SND1: variants seen among roughly 807,000 people sequenced by gnomAD.
The protein encoded by SND1 is staphylococcal nuclease and tudor domain containing 1, also known as staphylococcal nuclease domain-containing protein 1.
A neutral mutation model predicts 121.7 loss-of-function variants in SND1; 38 were observed. The observed-to-expected ratio is 0.31, with a 90% confidence interval of 0.24 to 0.41. The LOEUF is 0.41. SND1 is among the 10% of genes least tolerant of loss of function. The pLI is 1.00. For missense variants in SND1, 868 were observed against 1,184.6 expected (o/e 0.73, Z 3.92); for synonymous variants, 401 against 447.4 (o/e 0.90, Z 1.31).
intron 12 of SND1, among the ~76,000 whole-genome samples, chr7:127,874,673 C>G (rs1799658560): frequency 6.6e-6 from 1 of 152,064 alleles, no homozygotes; most frequent in Non-Finnish European, 1.5e-5. Context: ...ATAAACATTT[C>G]TACTTTACGT....
intron 10 of SND1, among the ~76,000 whole-genome samples, chr7:127,748,106 TG>T (rs1401633716): frequency 4.6e-5 from 7 of 152,222 alleles, no homozygotes; most frequent in Non-Finnish European, 1.0e-4. Flanking sequence ...AACACAAACT[TG>T]CATGAAAATA....
At position 128,052,154 on chromosome 7, in the gene SND1, G is replaced by C. The variant is rs986912369; in HGVS notation, c.1780-22348G>C. 6.6e-6 allele frequency among the ~76,000 whole-genome samples: 1 copy of C among 152,190 alleles called. No individual in the cohort carries two copies. The highest frequency in any genetic ancestry group is 2.4e-5 in the African/African-American group (1 of 41,432). On this transcript the variant is annotated intron_variant, in intron 16 of 23. Coordinates refer to ENST00000354725, the MANE Select transcript of SND1 (RefSeq NM_014390.4). The surrounding 1 kb of genome is among the most constrained non-coding windows in gnomAD (Gnocchi z 4.6). ...CCTTCAGTTCAGTTGGAGTGCTCTG[G>C]AACTCACTAGGGCTTTCTGAGGGCA... is the stretch of plus-strand genomic sequence containing the variant.
At chr7:127,950,382 A>G (rs1801434657) in intron 15 of SND1, among the ~76,000 whole-genome samples, 1 of 152,188 alleles carries the variant, frequency 6.6e-6, no homozygotes, top group Non-Finnish European at 1.5e-5. Context: ...AGAAGTGGAG[A>G]AAAAATAGTG....
At chr7:128,001,462 C>G (rs1005880769) in intron 16 of SND1, among the ~76,000 whole-genome samples, 1 of 152,200 alleles carries the variant, frequency 6.6e-6, no homozygotes, top group African/African-American at 2.4e-5. Flanking sequence ...GAACGCTATC[C>G]CTAGCATTGT....
At chr7:127,903,857 C>G (rs1366831505) in intron 13 of SND1, among the ~76,000 whole-genome samples, 1 of 152,104 alleles carries the variant, frequency 6.6e-6, no homozygotes, top group African/African-American at 2.4e-5. Context: ...ATTCAAAAAC[C>G]CTAAAAAGTT....
At chr7:127,720,713 T>C (rs981983377) in intron 9 of SND1, among the ~76,000 whole-genome samples, 50 of 152,354 alleles carry the variant, frequency 3.3e-4, no homozygotes, top group African/African-American at 1.1e-3. Flanking sequence ...TCAGAGTATC[T>C]GAGGTAATAT....
At chr7:127,911,193 T>A (rs1269136696) in intron 14 of SND1, among the ~76,000 whole-genome samples, 6 of 152,196 alleles carry the variant, frequency 3.9e-5, no homozygotes, top group Non-Finnish European at 7.3e-5. Context: ...TGAACTCTAG[T>A]TGGACTACAA....
At chr7:127,808,606 T>C (rs1798282466) in intron 11 of SND1, among the ~76,000 whole-genome samples, 2 of 152,204 alleles carry the variant, frequency 1.3e-5, no homozygotes. Flanking sequence ...GGACATAAGG[T>C]AAAATTGCTA....
chr7:128,058,836 CTCCCCTCCTTCCT>C (rs1793184668), intron 16 of SND1, among the ~76,000 whole-genome samples: 1 of 151,996 alleles, frequency 6.6e-6, no homozygotes, highest in Non-Finnish European at 1.5e-5. Flanking sequence ...CCCTCCTTCC[CTCCCCTCCTTCCT>C]TAAAACCAGC....
intron 16 of SND1, among the ~76,000 whole-genome samples, chr7:128,049,373 T>G (rs1793007098): frequency 6.6e-6 from 1 of 152,134 alleles, no homozygotes; most frequent in African/African-American, 2.4e-5. Flanking sequence ...TCTCCTCTCT[T>G]AACTGCTCTT....
chr7:127,672,401 G>A (rs2116266978), intron 1 of SND1, among the ~76,000 whole-genome samples: 1 of 152,162 alleles, frequency 6.6e-6, no homozygotes, highest in South Asian at 2.1e-4. Flanking sequence ...CTTGAGGTCA[G>A]GAGTTCGAGA....
At chr7:127,652,564 C>G (rs1291094457) in intron 1 of SND1, 113 bp downstream of exon 1, 4 of 879,544 alleles carry the variant, frequency 4.5e-6, no homozygotes, top group Non-Finnish European at 5.2e-6. Flanking sequence ...TCCTCTGCCC[C>G]CTTCCTCACT....
chr7:127,925,431 A>T (rs891347423), intron 14 of SND1, among the ~76,000 whole-genome samples: 13 of 152,154 alleles, frequency 8.5e-5, no homozygotes, highest in African/African-American at 3.1e-4. Flanking sequence ...CCCAGACCTT[A>T]TGTAAGGAAG....
chr7:127,970,174 T>G (rs1319176078), intron 15 of SND1, among the ~76,000 whole-genome samples: 1 of 152,244 alleles, frequency 6.6e-6, no homozygotes. Flanking sequence ...TATCAGATTA[T>G]CTGTTCACTT....
chr7:128,077,600 C>T (rs1310723264), intron 17 of SND1, among the ~76,000 whole-genome samples: 10 of 152,380 alleles, frequency 6.6e-5, no homozygotes, highest in Admixed American at 4.6e-4. Flanking sequence ...AGGGGCAGAG[C>T]TCCACCCTGG....
At chr7:127,817,085 T>C (rs1287325310) in intron 11 of SND1, among the ~76,000 whole-genome samples, 1 of 152,248 alleles carries the variant, frequency 6.6e-6, no homozygotes, top group East Asian at 1.9e-4. Context: ...GTTGGGTACC[T>C]TTGTAGAGGT....
At chr7:128,027,443 G>C (rs1803508791) in intron 16 of SND1, 1 of 152,510 alleles carries the variant, frequency 6.6e-6, no homozygotes, top group East Asian at 1.9e-4. Flanking sequence ...TCCTGGTTGG[G>C]AAAGGCTTCA....
At chr7:127,776,388 T>C (rs1356358620) in intron 10 of SND1, among the ~76,000 whole-genome samples, 1 of 152,104 alleles carries the variant, frequency 6.6e-6, no homozygotes, top group African/African-American at 2.4e-5. Context: ...TAAGTCCAGC[T>C]GTGAAAAAAC....
chr7:127,913,504 A>G (rs1800503810), intron 14 of SND1, among the ~76,000 whole-genome samples: 1 of 152,184 alleles, frequency 6.6e-6, no homozygotes, highest in Non-Finnish European at 1.5e-5. Context: ...TCCTCTGGCC[A>G]TAGATTTGGC....
Sources: gnomAD v4.1 joint callset for allele counts (sites outside exome capture counted in the v4.1 genomes callset) on GRCh38, gnomAD v4.1.1 for gene constraint, Gnocchi (gnomAD v3.1) non-coding constraint, MANE v1.5 for transcripts, NCBI Gene and HGNC (gene_info 2026-07-23, HGNC 2026-07-21) for gene names.